AQP2: variants seen among roughly 807,000 people sequenced by gnomAD.
AQP2 encodes aquaporin-2.
In AQP2, 20 loss-of-function variants were observed where a neutral mutation model predicts 21.6. The ratio of observed to expected loss-of-function variants is 0.92; its 90% CI spans 0.65 to 1.34. AQP2 has a LOEUF of 1.34. Among genes scored for constraint, AQP2 ranks in the 40% most tolerant of loss-of-function variants. The pLI, the probability that AQP2 is intolerant of heterozygous loss-of-function variation, is 0.00. For synonymous variants in AQP2, 168 were observed against 166.9 expected (o/e 1.01, Z -0.05); for missense variants, 325 against 363.4 (o/e 0.89, Z 0.86).
At position 49,954,593 on chromosome 12, in the gene AQP2, C is replaced by T. The variant is rs142377054; in HGVS notation, c.526-37C>T. Reference sequence around the variant, plus strand: ...ACAAGGACTTCCTGCCCTGTCCTCACCTCCCTTCTCTCTTTGATGCCCTCC... The same window carrying T: ...ACAAGGACTTCCTGCCCTGTCCTCATCTCCCTTCTCTCTTTGATGCCCTCC... On this transcript the variant is annotated intron_variant, in intron 2 of 3. Coordinates refer to ENST00000199280, the MANE Select transcript of AQP2 (RefSeq NM_000486.6). 7.5e-5 allele frequency: 121 copies of T among 1,609,398 alleles called. No individual in the cohort carries two copies. In the African/African-American group the frequency reaches 1.6e-3, roughly 21 times the overall value.
Position 49,954,173 on chromosome 12 carries a change from G to A in AQP2, c.379G>A (p.Ala127Thr). The change falls in exon 2 of 4, where the codon GCT becomes ACT. Residue 127 changes from alanine to threonine, a missense_variant. Coordinates refer to ENST00000199280, the MANE Select transcript of AQP2 (RefSeq NM_000486.6). ...AVNALSNSTT[A>T]GQAVTVELFL... ...TCCCCAGCTCAGCAACAGCACGACGGCTGGCCAGGCGGTGACTGTGGAGCT... is the reference window on the plus strand; with the variant it reads ...TCCCCAGCTCAGCAACAGCACGACGACTGGCCAGGCGGTGACTGTGGAGCT... The A allele has an allele frequency of 6.3e-7, 1 of 1,599,712 alleles. No homozygotes were observed. Among genetic ancestry groups the A allele is most frequent in the Non-Finnish European group, 8.5e-7 (1 of 1,179,946 alleles).
In AQP2 at chr12:49,955,798, C is replaced by T. The variant is rs1362759510; in HGVS notation, c.*190C>T. On this transcript the variant is annotated 3_prime_UTR_variant, in exon 4 of 4. Coordinates refer to ENST00000199280, the MANE Select transcript of AQP2 (RefSeq NM_000486.6). ...GAGGCTGCCGGAGGGAGCCCTGAGC[C>T]TGGCAGGTCCCCTGCCCTGAGGCTG... 1.4e-5 allele frequency: 11 copies of T among 803,130 alleles called. No individual in the cohort carries two copies. Among genetic ancestry groups the T allele is most frequent in the Non-Finnish European group, 2.3e-5 (11 of 480,288 alleles). The allele number at this position is 803,130 out of a possible 1,614,324, so 49.8% of individuals were successfully genotyped here. A position where few individuals can be genotyped will look rare whatever the true frequency, so the allele number is the denominator to read the frequency against.
chr12:49,954,210 T>C lies in AQP2; in HGVS notation c.416T>C (p.Leu139Pro). The C allele has an allele frequency of 6.2e-7, 1 of 1,603,344 alleles. No individual in the cohort carries two copies. The highest frequency in any genetic ancestry group is 8.5e-7 in the Non-Finnish European group (1 of 1,179,954). Reference protein sequence around the residue: ...QAVTVELFLTLQLVLCIFAST... With the variant: ...QAVTVELFLTPQLVLCIFAST... ...GTGACTGTGGAGCTCTTCCTGACAC[T>C]GCAGCTGGTGCTCTGCATCTTCGCC... is the stretch of plus-strand genomic sequence containing the variant. Residue 139 changes from leucine (L) to proline (P), a missense_variant, in exon 2 of 4, where the codon CTG (leucine) becomes CCG (proline). Leu to Pro is a moderately conservative substitution (Grantham distance 98). Coordinates refer to ENST00000199280, the MANE Select transcript of AQP2 (RefSeq NM_000486.6).
intron 3 of AQP2, 115 bp from the exon 4 acceptor site, chr12:49,955,284 A>T: frequency 1.9e-6 from 2 of 1,060,806 alleles, no homozygotes; most frequent in Non-Finnish European, 2.7e-6. Context: ...TAAGCATTTT[A>T]CTAGATTAAT....
rs200777769 is a variant in AQP2 at position 49,950,815 on chromosome 12, C to T, written c.-16C>T. 1.0e-4 allele frequency: 162 copies of T among 1,606,296 alleles called. No homozygotes were observed. Among genetic ancestry groups the T allele is most frequent in the Middle Eastern group, 5.1e-4 (3 of 5,924 alleles). ...GGCCCTGAGACAGCTGGGCCAGCCC[C>T]GCAGGGCTCTGCAGCATGTGGGAGC... is the stretch of plus-strand genomic sequence containing the variant. On this transcript the variant is annotated 5_prime_UTR_variant, in exon 1 of 4. Transcript: ENST00000199280.
rs2137151751 is a variant in AQP2 at position 49,957,976 on chromosome 12, T to C, written c.*2368T>C. On this transcript the variant is annotated 3_prime_UTR_variant, in exon 4 of 4. Transcript: ENST00000199280. Reference sequence around the variant, plus strand: ...AAATCCCTACCATTTCTAGCCTCTATTGCCCAGATTGGAGTCAGAGGTCAA... The same window carrying C: ...AAATCCCTACCATTTCTAGCCTCTACTGCCCAGATTGGAGTCAGAGGTCAA... 6.6e-6 allele frequency: 1 copy of C among 152,310 alleles called. No individual in the cohort carries two copies. The highest frequency in any genetic ancestry group is 1.9e-4 in the East Asian group (1 of 5,188). The allele number at this position is 152,310 out of a possible 1,614,324, so 9.4% of individuals were successfully genotyped here.
Position 49,954,265 on chromosome 12 carries a change from G to A in AQP2, c.471G>A (p.Pro157=), listed in dbSNP as rs138000704. ...ASTDERRGEN[P]GTPALSIGFS... is the part of the protein sequence containing the mutation. Reference sequence around the variant, plus strand: ...CCGATGAGCGCCGCGGAGAGAACCCGGGCACCCCTGCTCTCTCCATAGGCT... The same window carrying A: ...CCGATGAGCGCCGCGGAGAGAACCCAGGCACCCCTGCTCTCTCCATAGGCT... Residue 157 remains proline (P), a synonymous_variant, in exon 2 of 4, where the codon CCG becomes CCA. Coordinates refer to ENST00000199280, the MANE Select transcript of AQP2 (RefSeq NM_000486.6). 4.7e-4 allele frequency: 758 copies of A among 1,608,334 alleles called. 1 individual carries two copies. Among genetic ancestry groups the A allele is most frequent in the South Asian group, 6.7e-4 (61 of 91,084 alleles).
rs1947362109 is a variant in AQP2 at position 49,955,570 on chromosome 12, C to T, written c.778C>T (p.His260Tyr). 1 of 1,591,034 alleles carries T rather than the reference C, an allele frequency of 6.3e-7. No homozygotes were observed. The highest frequency in any genetic ancestry group is 1.1e-5 in the South Asian group (1 of 89,030). Residue 260 changes from histidine to tyrosine, a missense_variant, in exon 4 of 4, where the codon CAC becomes TAC. Coordinates refer to ENST00000199280, the MANE Select transcript of AQP2 (RefSeq NM_000486.6). ...EVRRRQSVEL[H>Y]SPQSLPRGTK... ...GCGACGGCGGCAGTCGGTGGAGCTG[C>T]ACTCGCCGCAGAGCCTGCCACGGGG... is the stretch of plus-strand genomic sequence containing the variant.
rs759525877 is a variant in AQP2, at chr12:49,951,122, G to T, written c.292G>T (p.Val98Leu). 4.3e-5 allele frequency: 69 copies of T among 1,606,936 alleles called. No individual in the cohort carries two copies. Among genetic ancestry groups the T allele is most frequent in the Non-Finnish European group, 5.7e-5 (67 of 1,175,048 alleles). The change falls in exon 1 of 4, where the codon GTG (valine) becomes TTG (leucine). Residue 98 changes from valine (V) to leucine (L), a missense_variant. Val to Leu is a conservative substitution (Grantham distance 32, BLOSUM62 1). Transcript: ENST00000199280. ...CGTGGCTGCCCAGCTGCTGGGGGCT[G>T]TGGCCGGAGCCGCTCTGCTCCATGA... ...FYVAAQLLGA[V>L]AGAALLHEIT... is the part of the protein sequence containing the mutation.
intron 1 of AQP2, among the ~76,000 whole-genome samples, chr12:49,953,062 T>C (rs1947340947): frequency 6.6e-6 from 1 of 152,250 alleles, no homozygotes; most frequent in Non-Finnish European, 1.5e-5. Context: ...TCCATTTTCT[T>C]ATCCCATTTC....
Position 49,954,168 on chromosome 12 carries a change from CG to C in AQP2, c.375del (p.Thr126ArgfsTer6), listed in dbSNP as rs764380594. On this transcript the variant is annotated frameshift_variant, in exon 2 of 4. Transcript: ENST00000199280. LOFTEE classifies it high-confidence loss of function. ...DLAVNALSNS[T>X]TAGQAVTVEL... ...CTCTGTCCCCAGCTCAGCAACAGCA[CG>C]ACGGCTGGCCAGGCGGTGACTGTGG... The C allele has an allele frequency of 1.3e-6, 2 of 1,599,382 alleles. No homozygotes were observed. The highest frequency in any genetic ancestry group is 2.2e-5 in the South Asian group (2 of 91,026).
In AQP2 at chr12:49,955,970, C is replaced by T; in HGVS notation, c.*362C>T. On this transcript the variant is annotated 3_prime_UTR_variant, in exon 4 of 4. Coordinates refer to ENST00000199280, the MANE Select transcript of AQP2 (RefSeq NM_000486.6). ...TGAGTGGGGAGTGTACAGACCCCTG[C>T]CTTGGGGGTTCCGGGAATGATGCAA... 1 of 464,680 alleles carries T rather than the reference C, an allele frequency of 2.2e-6. No individual in the cohort carries two copies. The highest frequency in any genetic ancestry group is 2.4e-5 in the South Asian group (1 of 41,366). The allele number at this position is 464,680 out of a possible 1,614,324, so 28.8% of individuals were successfully genotyped here. A position where few individuals can be genotyped will look rare whatever the true frequency, so the allele number is the denominator to read the frequency against.
At position 49,950,908 on chromosome 12, in the gene AQP2, T is replaced by C. The variant is rs758661503; in HGVS notation, c.78T>C (p.Phe26=). The part of the protein sequence containing the change: ...EFLATLLFVF[F]GLGSALNWPQ... ...TGGCCACACTCCTCTTCGTCTTCTTTGGCCTCGGCTCTGCCCTCAACTGGC... is the reference window on the plus strand; with the variant it reads ...TGGCCACACTCCTCTTCGTCTTCTTCGGCCTCGGCTCTGCCCTCAACTGGC... Residue 26 remains phenylalanine, a synonymous_variant, in exon 1 of 4, where the codon TTT becomes TTC. Transcript: ENST00000199280. 91 of 1,614,006 alleles carry C rather than the reference T, an allele frequency of 5.6e-5. No homozygotes were observed. Among genetic ancestry groups the C allele is most frequent in the Non-Finnish European group, 7.7e-5 (91 of 1,179,944 alleles).
At position 49,956,531 on chromosome 12, in the gene AQP2, C is replaced by T. The variant is rs1947371907; in HGVS notation, c.*923C>T. 1 of 152,202 alleles carries T rather than the reference C, an allele frequency of 6.6e-6. No individual in the cohort carries two copies. Among genetic ancestry groups the T allele is most frequent in the African/African-American group, 2.4e-5 (1 of 41,432 alleles). The allele number at this position is 152,202 out of a possible 1,614,324, so 9.4% of individuals were successfully genotyped here. On this transcript the variant is annotated 3_prime_UTR_variant, in exon 4 of 4. Transcript: ENST00000199280. Reference sequence around the variant, plus strand: ...TGTGTGTGCCCGGGACCCCCGTCTCCAGGGGTGCCCCAGACCCAGAGATTA... The same window carrying T: ...TGTGTGTGCCCGGGACCCCCGTCTCTAGGGGTGCCCCAGACCCAGAGATTA...
Position 49,955,629 on chromosome 12 carries a change from GGCCCCGACGGAC to G in AQP2, c.*24_*35del, listed in dbSNP as rs1565637282. 1 of 1,538,282 alleles carries G rather than the reference GGCCCCGACGGAC, an allele frequency of 6.5e-7. No homozygotes were observed. Reference sequence around the variant, plus strand: ...CCTGAGGGCCGCCAGCGGCCTCTACGGCCCCGACGGACGCTTGTGAGGCCCGAGGCAGAAGGG... The same window carrying G: ...CCTGAGGGCCGCCAGCGGCCTCTACGGCTTGTGAGGCCCGAGGCAGAAGGG... On this transcript the variant is annotated 3_prime_UTR_variant, in exon 4 of 4. Transcript: ENST00000199280.
chr12:49,954,795 G>A, intron 3 of AQP2, 85 bp downstream of exon 3: 2 of 1,470,566 alleles, frequency 1.4e-6, no homozygotes, highest in South Asian at 1.1e-5. Flanking sequence ...TGGGATGGGG[G>A]CTCAGCAGCG....
At position 49,954,663 on chromosome 12, in the gene AQP2, C is replaced by G. The variant is rs104894328; in HGVS notation, c.559C>G (p.Arg187Gly). ...HYTGCSMNPA[R>G]SLAPAVVTGK... is the part of the protein sequence containing the mutation. ...CACCGGCTGCTCTATGAATCCTGCCCGCTCCCTGGCTCCAGCTGTCGTCAC... is the reference window on the plus strand; with the variant it reads ...CACCGGCTGCTCTATGAATCCTGCCGGCTCCCTGGCTCCAGCTGTCGTCAC... Residue 187 changes from arginine to glycine, a missense_variant, in exon 3 of 4, where the codon CGC becomes GGC. Coordinates refer to ENST00000199280, the MANE Select transcript of AQP2 (RefSeq NM_000486.6). The G allele has an allele frequency of 6.2e-7, 1 of 1,614,208 alleles. No homozygotes were observed. The highest frequency in any genetic ancestry group is 8.5e-7 in the Non-Finnish European group (1 of 1,180,032).
rs139064235 is a variant in AQP2, at chr12:49,954,184, G to A, written c.390G>A (p.Ala130=). Residue 130 remains alanine (A), a synonymous_variant, in exon 2 of 4, where the codon GCG becomes GCA. Transcript: ENST00000199280. ...ALSNSTTAGQ[A]VTVELFLTLQ... ...GCAACAGCACGACGGCTGGCCAGGC[G>A]GTGACTGTGGAGCTCTTCCTGACAC... 26 of 1,600,522 alleles carry A rather than the reference G, an allele frequency of 1.6e-5. No homozygotes were observed. Among genetic ancestry groups the A allele is most frequent in the East Asian group, 8.9e-5 (4 of 44,892 alleles).
chr12:49,955,752 G>A lies in AQP2; in HGVS notation c.*144G>A. 1 of 1,136,138 alleles carries A rather than the reference G, an allele frequency of 8.8e-7. No individual in the cohort carries two copies. Among genetic ancestry groups the A allele is most frequent in the South Asian group, 1.3e-5 (1 of 75,044 alleles). 70.4% of individuals were successfully genotyped at this position (1,136,138 alleles called of 1,614,324 possible). On this transcript the variant is annotated 3_prime_UTR_variant, in exon 4 of 4. Transcript: ENST00000199280. ...TTCCTGGACGTGCGCGCCCAGGCCAGTGCTGTGAGCAGGCGGGGAGGAGGC... is the reference window on the plus strand; with the variant it reads ...TTCCTGGACGTGCGCGCCCAGGCCAATGCTGTGAGCAGGCGGGGAGGAGGC...
Sources: allele counts gnomAD v4.1 joint callset (sites outside exome capture counted in the v4.1 genomes callset), GRCh38; gene constraint gnomAD v4.1.1; transcripts MANE v1.5; gene names NCBI Gene and HGNC (gene_info 2026-07-23, HGNC 2026-07-21).